The following CABIN1 variants were observed in gnomAD, a reference collection of about 807,000 sequenced individuals.
The protein encoded by CABIN1 is calcineurin binding protein 1, also known as calcineurin-binding protein cabin-1.
Under a neutral mutation model 227.7 loss-of-function variants are expected in CABIN1, and 133 were observed. The ratio of observed to expected loss-of-function variants is 0.58; its 90% CI spans 0.51 to 0.67. CABIN1 has a LOEUF of 0.67. Among genes scored for constraint, CABIN1 ranks in the 30% least tolerant of loss-of-function variants. The pLI is 0.00. For synonymous variants in CABIN1, 1,086 were observed against 1,155.1 expected (o/e 0.94, Z 1.21); for missense variants, 2,408 against 2,852.5 (o/e 0.84, Z 3.55).
At position 24,063,036 on chromosome 22, in the gene CABIN1, G is replaced by T. The variant is rs1224209404; in HGVS notation, c.1774G>T (p.Asp592Tyr). 1 of 1,614,190 alleles carries T rather than the reference G, an allele frequency of 6.2e-7. No individual in the cohort carries two copies. The highest frequency in any genetic ancestry group is 1.7e-5 in the Admixed American group (1 of 60,030). ...PDFPGTHCLG[D>Y]LLQLSFASSQ... ...CTTCCCAGGGACCCACTGCCTGGGT[G>T]ACCTCCTACAGCTGTCATTTGCCTC... Residue 592 changes from aspartate to tyrosine, a missense_variant, in exon 14 of 37, where the codon GAC (aspartate) becomes TAC (tyrosine). Asp to Tyr is a radical substitution (Grantham distance 160). This residue lies in a region of CABIN1 where 1,045 missense variants were observed against 1,168.4 expected (regional missense o/e 0.89). Coordinates refer to ENST00000263119, the MANE Select transcript of CABIN1 (RefSeq NM_012295.4).
intron 15 of CABIN1, 125 bp from the exon 16 acceptor site, chr22:24,066,862 G>T (rs2039718770): frequency 7.1e-6 from 6 of 842,554 alleles, no homozygotes; most frequent in Non-Finnish European, 9.7e-6. Context: ...AATTTTTTTT[G>T]GGCTGGAACA....
chr22:24,023,076 A>C (rs1476286099), intron 1 of CABIN1, among the ~76,000 whole-genome samples: 1 of 151,984 alleles, frequency 6.6e-6, no homozygotes, highest in African/African-American at 2.4e-5. Flanking sequence ...TTAGGCAGTA[A>C]CTCTTGATTC....
chr22:24,173,983 T>A lies in CABIN1; in HGVS notation c.6040+1988T>A, dbSNP rs895621385. Reference sequence around the variant, plus strand: ...TGCTTGGCGTTAAGCAGAGACTTGGTATGGGTTTTTTTTTTTTTTTTAATT... The same window carrying A: ...TGCTTGGCGTTAAGCAGAGACTTGGAATGGGTTTTTTTTTTTTTTTTAATT... On this transcript the variant is annotated intron_variant, in intron 34 of 36. Transcript: ENST00000263119. Among the ~76,000 whole-genome samples the A allele has an allele frequency of 2.6e-5, 4 of 151,240 alleles. No individual in the cohort carries two copies. In the South Asian group the frequency reaches 8.4e-4, roughly 32 times the overall value.
At chr22:24,165,668 A>G (rs1469871584) in intron 31 of CABIN1, 42 bp downstream of exon 31, 2 of 1,521,306 alleles carry the variant, frequency 1.3e-6, no homozygotes, top group East Asian at 2.3e-5. Flanking sequence ...GCCCATGAAC[A>G]CGCTTCCAAG....
chr22:24,024,057 G>A (rs2035912512), intron 1 of CABIN1, among the ~76,000 whole-genome samples: 1 of 152,126 alleles, frequency 6.6e-6, no homozygotes. Context: ...AAATTGACTT[G>A]TTTGTCTTTT....
Position 24,043,394 on chromosome 22 carries a change from T to G in CABIN1, c.526+310T>G, listed in dbSNP as rs369758884. ...CTTATTTCCTCCCTGCACTGTCCCA[T>G]TTTGTGTGTCTTAGTCTGTTTGGGC... is the stretch of plus-strand genomic sequence containing the variant. On this transcript the variant is annotated intron_variant, in intron 6 of 36. Coordinates refer to ENST00000263119, the MANE Select transcript of CABIN1 (RefSeq NM_012295.4). Among the ~76,000 whole-genome samples, 11 of 146,940 alleles carry G rather than the reference T, an allele frequency of 7.5e-5. No individual in the cohort carries two copies. In the East Asian group the frequency reaches 1.7e-3, roughly 23 times the overall value.
intron 1 of CABIN1, among the ~76,000 whole-genome samples, chr22:24,019,136 T>G (rs576412469): frequency 1.5e-5 from 2 of 133,830 alleles, no homozygotes; most frequent in East Asian, 4.3e-4. Flanking sequence ...TTTTTTTTTT[T>G]TTTTTTTTTT....
At position 24,083,280 on chromosome 22, in the gene CABIN1, C is replaced by G. The variant is rs201870666; in HGVS notation, c.2801C>G (p.Pro934Arg). The G allele has an allele frequency of 6.2e-6, 10 of 1,613,268 alleles. No homozygotes were observed. The highest frequency in any genetic ancestry group is 1.3e-5 in the African/African-American group (1 of 74,916). The stretch of plus-strand genomic sequence containing the variant: ...GCATCCACCTCTGAAGACACGCACC[C>G]TTACAAGGAGGAGCTGGAGACAGCC... The part of the protein sequence containing the change: ...LAASTSEDTH[P>R]YKEELETALE... The change falls in exon 20 of 37, where the codon CCT becomes CGT. Residue 934 changes from proline to arginine, a missense_variant. Around this residue, in one of 3 missense-constraint regions of CABIN1, gnomAD observed 1,045 missense variants for 1,168.4 expected, o/e 0.89. Transcript: ENST00000263119.
chr22:24,141,779 C>T (rs8141596), intron 29 of CABIN1, among the ~76,000 whole-genome samples: 3,136 of 152,304 alleles, frequency 0.021, 126 homozygotes, highest in African/African-American at 0.07. Flanking sequence ...TCCTACTTGG[C>T]GGCTGCCACA....
Position 24,055,804 on chromosome 22 carries a change from C to T in CABIN1, c.1094-388C>T, listed in dbSNP as rs372782573. ...ATATAGTTCACACTGTTCTTTTGCT[C>T]TTATCATATTGCTGAGTGCTCAGAG... On this transcript the variant is annotated intron_variant, in intron 9 of 36. Transcript: ENST00000263119. Among the ~76,000 whole-genome samples the T allele has an allele frequency of 5.9e-4, 90 of 152,288 alleles. 1 individual carries two copies. The South Asian group carries it at 0.018, about 30-fold the overall frequency.
intron 1 of CABIN1, among the ~76,000 whole-genome samples, chr22:24,012,900 A>C (rs1349959392): frequency 6.6e-6 from 1 of 151,914 alleles, no homozygotes; most frequent in East Asian, 1.9e-4. Context: ...AGCTGGGACT[A>C]CAGACACCCG....
chr22:24,045,570 T>C (rs549844213), intron 6 of CABIN1, among the ~76,000 whole-genome samples: 26 of 151,348 alleles, frequency 1.7e-4, no homozygotes, highest in African/African-American at 6.3e-4. Context: ...ATTGTGCCAC[T>C]GCACTCCAGC....
At chr22:24,064,942 C>T (rs1399945969) in intron 15 of CABIN1, among the ~76,000 whole-genome samples, 4 of 152,128 alleles carry the variant, frequency 2.6e-5, no homozygotes, top group South Asian at 4.1e-4. Flanking sequence ...AGCAACCATC[C>T]GATTTCTCAA....
Position 24,136,276 on chromosome 22 carries a change from C to G in CABIN1, c.4746+1861C>G, listed in dbSNP as rs1034181473. On this transcript the variant is annotated intron_variant, in intron 29 of 36. Transcript: ENST00000263119. ...CTTGGAGATACTGTTAGAACCCACC[C>G]ATTCTTTTTGATAGCTACTGCATAG... 2.0e-5 allele frequency among the ~76,000 whole-genome samples: 3 copies of G among 151,754 alleles called. No homozygotes were observed. In the South Asian group the frequency reaches 6.2e-4, roughly 32 times the overall value.
intron 29 of CABIN1, among the ~76,000 whole-genome samples, chr22:24,144,035 C>T (rs2044953312): frequency 6.6e-6 from 1 of 152,200 alleles, no homozygotes; most frequent in Non-Finnish European, 1.5e-5. Flanking sequence ...GCCAGTATTC[C>T]TGACACAGTG....
At chr22:24,026,759 C>T (rs570839022) in intron 1 of CABIN1, among the ~76,000 whole-genome samples, 21 of 152,306 alleles carry the variant, frequency 1.4e-4, no homozygotes, top group African/African-American at 4.8e-4. Flanking sequence ...TGTTCATTTA[C>T]TAACACTACG....
At chr22:24,105,012 G>A (rs921516702) in intron 26 of CABIN1, among the ~76,000 whole-genome samples, 1 of 152,220 alleles carries the variant, frequency 6.6e-6, no homozygotes, top group Admixed American at 6.5e-5. Context: ...CACTTAAAGA[G>A]ACACTGGAAA....
At chr22:24,165,759 A>G in intron 31 of CABIN1, 133 bp downstream of exon 31, 1 of 725,314 alleles carries the variant, frequency 1.4e-6, no homozygotes. Flanking sequence ...TCTGTGAGGT[A>G]GCACCCATCC....
At chr22:24,168,336 C>A in intron 32 of CABIN1, 111 bp from the exon 33 acceptor site, 1 of 1,083,988 alleles carries the variant, frequency 9.2e-7, no homozygotes, top group Non-Finnish European at 1.4e-6. Flanking sequence ...GCACCCGAGC[C>A]ACAGGGCATG....
Sources: allele counts gnomAD v4.1 joint callset (sites outside exome capture counted in the v4.1 genomes callset), GRCh38; gene constraint gnomAD v4.1.1; regional missense constraint gnomAD v4.1.1; transcripts MANE v1.5; gene names NCBI Gene and HGNC (gene_info 2026-07-23, HGNC 2026-07-21).